Variants in UTRN observed in about 807,000 individuals in gnomAD.
UTRN encodes utrophin.
Under a neutral mutation model 463.9 loss-of-function variants are expected in UTRN, and 283 were observed. That is an observed-to-expected ratio of 0.61 (90% CI 0.55 to 0.67). UTRN has a LOEUF of 0.67. UTRN is among the 30% of genes least tolerant of loss of function. The pLI, the probability that UTRN is intolerant of heterozygous loss-of-function variation, is 0.00. For missense variants in UTRN, 3,922 were observed against 4,084.3 expected, an observed-to-expected ratio of 0.96 and a Z score of 1.08; for synonymous variants, 1,442 against 1,431.5, an observed-to-expected ratio of 1.01 and a Z score of -0.17.
intron 52 of UTRN, among the ~76,000 whole-genome samples, chr6:144,695,216 A>G (rs946582328): frequency 6.6e-6 from 1 of 152,128 alleles, no homozygotes; most frequent in Admixed American, 6.6e-5. Flanking sequence ...ATCTACCCTA[A>G]GTGTTTTACA....
At chr6:144,848,144 G>A (rs1160057368) in intron 74 of UTRN, among the ~76,000 whole-genome samples, 1 of 152,148 alleles carries the variant, frequency 6.6e-6, no homozygotes, top group Non-Finnish European at 1.5e-5. Flanking sequence ...CAGGGAGTGA[G>A]GTTGGGGAGG....
At chr6:144,493,221 A>G in intron 32 of UTRN, 80 bp from the exon 33 acceptor site, 1 of 1,414,992 alleles carries the variant, frequency 7.1e-7, no homozygotes, top group South Asian at 1.3e-5. Flanking sequence ...CAATCTGTGT[A>G]AGCTGTGGTC....
At chr6:144,401,162 T>C (rs1782906144) in intron 2 of UTRN, among the ~76,000 whole-genome samples, 1 of 151,984 alleles carries the variant, frequency 6.6e-6, no homozygotes, top group Non-Finnish European at 1.5e-5. Context: ...CAAATTAAGA[T>C]AATTTAATAC....
intron 60 of UTRN, among the ~76,000 whole-genome samples, chr6:144,775,353 T>C (rs1775229843): frequency 6.6e-6 from 1 of 152,128 alleles, no homozygotes; most frequent in Admixed American, 6.5e-5. Context: ...AAGCTATGTA[T>C]GGAAGAGAAG....
At chr6:144,734,338 A>G (rs1386923053) in intron 54 of UTRN, among the ~76,000 whole-genome samples, 2 of 152,252 alleles carry the variant, frequency 1.3e-5, no homozygotes, top group Non-Finnish European at 2.9e-5. Context: ...TAGATGGGAG[A>G]AACTGATATT....
chr6:144,451,843 G>A (rs528267418), intron 18 of UTRN, among the ~76,000 whole-genome samples: 3 of 152,218 alleles, frequency 2.0e-5, no homozygotes, highest in Admixed American at 1.3e-4. Flanking sequence ...TGCTGAAGAT[G>A]TTTTGCCTTC....
intron 74 of UTRN, among the ~76,000 whole-genome samples, chr6:144,849,085 A>C (rs1782268058): frequency 6.6e-6 from 1 of 152,076 alleles, no homozygotes; most frequent in Non-Finnish European, 1.5e-5. Context: ...TGATTAGAGC[A>C]AGTAGATGCA....
rs551711357 is a variant in UTRN, at chr6:144,608,732, A to G, written c.7479+31444A>G. On this transcript the variant is annotated intron_variant, in intron 51 of 74. Transcript: ENST00000367545. ...GACATGAAAAAGTTCTTGTGTGGCTATTTTAGAAAGTACTTGAGATAGGTT... is the reference window on the plus strand; with the variant it reads ...GACATGAAAAAGTTCTTGTGTGGCTGTTTTAGAAAGTACTTGAGATAGGTT... Among the ~76,000 whole-genome samples the G allele has an allele frequency of 4.5e-4, 69 of 152,168 alleles. 1 individual carries two copies. The highest frequency in any genetic ancestry group is 9.8e-4 in the Admixed American group (15 of 15,272).
chr6:144,419,183 G>A (rs9321974), intron 3 of UTRN, among the ~76,000 whole-genome samples: 55,856 of 152,024 alleles, frequency 0.37, 12,293 homozygotes, highest in Non-Finnish European at 0.49. Flanking sequence ...CAAGTCCTCA[G>A]GGGACTTTCC....
At chr6:144,423,743 T>C in intron 5 of UTRN, 117 bp downstream of exon 5, 2 of 1,236,528 alleles carry the variant, frequency 1.6e-6, no homozygotes, top group Non-Finnish European at 1.2e-6. Flanking sequence ...TTTTTTCTTA[T>C]GAGAAATACT....
intron 64 of UTRN, chr6:144,799,305 GGAAGACTAAAGTATTGT>G (rs1777512428): frequency 2.8e-6 from 1 of 356,138 alleles, no homozygotes; most frequent in Non-Finnish European, 5.8e-6. Flanking sequence ...GGTGTAGTTG[GGAAGACTAAAGTATTGT>G]GAGGTCAGAG....
intron 2 of UTRN, among the ~76,000 whole-genome samples, chr6:144,322,132 T>C (rs897970536): frequency 6.6e-6 from 1 of 152,242 alleles, no homozygotes; most frequent in Non-Finnish European, 1.5e-5. Context: ...GATAATTAAA[T>C]AATTACCACA....
chr6:144,822,148 A>G (rs181465302), intron 66 of UTRN, among the ~76,000 whole-genome samples: 21 of 152,114 alleles, frequency 1.4e-4, no homozygotes, highest in Admixed American at 3.3e-4. Context: ...GTGATAGTCA[A>G]TGTCTCAAAC....
chr6:144,472,036 T>C (rs1216885970), intron 23 of UTRN, among the ~76,000 whole-genome samples: 3 of 152,240 alleles, frequency 2.0e-5, no homozygotes, highest in Non-Finnish European at 4.4e-5. Flanking sequence ...GTGGGATTTT[T>C]ACCCTTGATC....
chr6:144,352,712 C>T (rs531302866), intron 2 of UTRN, among the ~76,000 whole-genome samples: 1 of 152,046 alleles, frequency 6.6e-6, no homozygotes, highest in African/African-American at 2.4e-5. Context: ...TCTGAGTAAT[C>T]AAATCTAAAT....
At position 144,667,024 on chromosome 6, in the gene UTRN, T is replaced by TTCCTCCTCC. The variant is rs58206153; in HGVS notation, c.7480-11365_7480-11357dup. ...CCACTACTACTTCTTCTTCCTCTTCTTCCTCCTCCTCCTCCTCCTCCTCCT... is the reference window on the plus strand; with the variant it reads ...CCACTACTACTTCTTCTTCCTCTTCTTCCTCCTCCTCCTCCTCCTCCTCCTCCTCCTCCT... On this transcript the variant is annotated intron_variant, in intron 51 of 74. Transcript: ENST00000367545. Among the ~76,000 whole-genome samples the TTCCTCCTCC allele has an allele frequency of 1.3e-4, 19 of 151,392 alleles. No individual in the cohort carries two copies. The East Asian group carries it at 3.3e-3, about 26-fold the overall frequency.
At chr6:144,652,463 ACT>A (rs751237214) in intron 51 of UTRN, among the ~76,000 whole-genome samples, 9 of 152,046 alleles carry the variant, frequency 5.9e-5, no homozygotes, top group Non-Finnish European at 1.0e-4. Flanking sequence ...ACACTAGTAG[ACT>A]CTGGCGCTTT....
At chr6:144,825,240 A>G (rs1402411712) in intron 66 of UTRN, among the ~76,000 whole-genome samples, 1 of 152,184 alleles carries the variant, frequency 6.6e-6, no homozygotes, top group Non-Finnish European at 1.5e-5. Context: ...TTAGTGTGTG[A>G]TTGACAAAAT....
chr6:144,811,353 T>C (rs1778593574), intron 65 of UTRN, among the ~76,000 whole-genome samples: 1 of 152,172 alleles, frequency 6.6e-6, no homozygotes, highest in Non-Finnish European at 1.5e-5. Flanking sequence ...TCTTCAGATG[T>C]GATGTGGGGT....
Sources: gnomAD v4.1 joint callset for allele counts (sites outside exome capture counted in the v4.1 genomes callset) on GRCh38, gnomAD v4.1.1 for gene constraint, MANE v1.5 for transcripts, NCBI Gene and HGNC (gene_info 2026-07-23, HGNC 2026-07-21) for gene names.